The following PCNX2 variants were observed in gnomAD, a reference collection of about 807,000 sequenced individuals.
The protein encoded by PCNX2 is pecanex 2.
Under a neutral mutation model 223.8 loss-of-function variants are expected in PCNX2, and 168 were observed. That is an observed-to-expected ratio of 0.75 (90% CI 0.66 to 0.85). The LOEUF (loss-of-function observed/expected upper bound fraction) is 0.85. PCNX2 is among the 40% of genes least tolerant of loss of function. The probability of loss-of-function intolerance (pLI) is 0.00; values close to 1 mark genes in which losing one functional copy is unlikely to be tolerated. For missense variants in PCNX2, 2,507 were observed against 2,675.5 expected (o/e 0.94, Z 1.39); for synonymous variants, 1,006 against 1,052.6 (o/e 0.96, Z 0.86).
chr1:233,313,711 G>C, the PCNX2 span, among the ~76,000 whole-genome samples: 2 of 152,248 alleles, frequency 1.3e-5, no homozygotes, highest in Non-Finnish European at 2.9e-5. Flanking sequence ...CTAAACATCA[G>C]TAAGAAAAGA....
At chr1:233,226,071 C>T (rs1176781902) in intron 10 of PCNX2, among the ~76,000 whole-genome samples, 2 of 152,326 alleles carry the variant, frequency 1.3e-5, no homozygotes, top group East Asian at 3.9e-4. Flanking sequence ...CCACTGCCCC[C>T]AAGAGCTGGC....
intron 9 of PCNX2, among the ~76,000 whole-genome samples, chr1:233,235,120 G>T (rs975670984): frequency 6.6e-6 from 1 of 152,078 alleles, no homozygotes; most frequent in African/African-American, 2.4e-5. Context: ...CACAGGTTTA[G>T]GAATCCTATC....
At chr1:233,103,194 T>C (rs2102962479) in intron 21 of PCNX2, among the ~76,000 whole-genome samples, 1 of 152,274 alleles carries the variant, frequency 6.6e-6, no homozygotes, top group South Asian at 2.1e-4. Context: ...ATGAGATATT[T>C]TGGTATAGGC....
chr1:233,238,215 C>T (rs1279408635), intron 8 of PCNX2, among the ~76,000 whole-genome samples: 4 of 152,212 alleles, frequency 2.6e-5, no homozygotes, highest in Non-Finnish European at 5.9e-5. Context: ...GCCCAAATCA[C>T]ACTGTCTAAC....
chr1:233,088,114 T>C (rs1184450335), intron 23 of PCNX2, among the ~76,000 whole-genome samples: 2 of 152,180 alleles, frequency 1.3e-5, no homozygotes, highest in Non-Finnish European at 2.9e-5. Context: ...GTGAGGAGAC[T>C]AAATAACAAA....
At chr1:233,012,722 A>C (rs369678643) in intron 28 of PCNX2, among the ~76,000 whole-genome samples, 264 of 152,366 alleles carry the variant, frequency 1.7e-3, no homozygotes, top group African/African-American at 6.2e-3. Flanking sequence ...AAACGCCTGG[A>C]TCAGGAATAT....
intron 23 of PCNX2, chr1:233,058,395 A>C (rs535753321): frequency 6.6e-6 from 1 of 152,194 alleles, no homozygotes; most frequent in Non-Finnish European, 1.5e-5. Context: ...ATTTCCAACA[A>C]TGAGTGGCGG....
rs73109301 is a variant in PCNX2 at position 233,239,295 on chromosome 1, C to T, written c.2223-2315G>A. Among the ~76,000 whole-genome samples, 1,469 of 152,284 alleles carry T rather than the reference C, an allele frequency of 9.6e-3. 23 individuals carry two copies. The highest frequency in any genetic ancestry group is 0.033 in the African/African-American group (1,369 of 41,552). On this transcript the variant is annotated intron_variant, in intron 8 of 33. Coordinates refer to ENST00000258229, the MANE Select transcript of PCNX2 (RefSeq NM_014801.4). ...GAATTGACTACGACATAATGTGTAA[C>T]GAATGGCTGTTTTAGAGCAGTCTTC...
intron 23 of PCNX2, chr1:233,058,083 AG>A: frequency 1.0e-6 from 1 of 981,614 alleles, no homozygotes; most frequent in Non-Finnish European, 1.2e-6. Context: ...CATGGTAACA[AG>A]TGGCCACTAG....
chr1:233,156,839 A>G (rs1384245998), intron 19 of PCNX2, among the ~76,000 whole-genome samples: 2 of 152,068 alleles, frequency 1.3e-5, no homozygotes, highest in Non-Finnish European at 2.9e-5. Flanking sequence ...AATCACTTGA[A>G]CCCAGGAGGC....
At chr1:233,264,678 A>G (rs1033322) in intron 1 of PCNX2, among the ~76,000 whole-genome samples, 59,517 of 152,030 alleles carry the variant, frequency 0.39, 12,540 homozygotes, top group African/African-American at 0.56. Context: ...AAGATGATAC[A>G]AGCTAGATAA....
At chr1:233,138,433 G>A (rs1433057706) in intron 20 of PCNX2, among the ~76,000 whole-genome samples, 1 of 152,164 alleles carries the variant, frequency 6.6e-6, no homozygotes, top group African/African-American at 2.4e-5. Flanking sequence ...CAATTTCCCA[G>A]AGTGGCACTG....
At chr1:233,020,248 G>A (rs1343319103) in intron 26 of PCNX2, among the ~76,000 whole-genome samples, 2 of 152,170 alleles carry the variant, frequency 1.3e-5, no homozygotes, top group African/African-American at 2.4e-5. Flanking sequence ...TCACAGCACC[G>A]ACACTTCTCA....
At chr1:233,002,024 T>C (rs1217962040) in intron 28 of PCNX2, among the ~76,000 whole-genome samples, 1 of 152,150 alleles carries the variant, frequency 6.6e-6, no homozygotes, top group African/African-American at 2.4e-5. Flanking sequence ...TCTACCCCAA[T>C]GAAACCCCAG....
intron 1 of PCNX2, among the ~76,000 whole-genome samples, chr1:233,274,855 A>G (rs1280249711): frequency 6.6e-6 from 1 of 152,216 alleles, no homozygotes; most frequent in Non-Finnish European, 1.5e-5. Flanking sequence ...TTCATGATGA[A>G]GAGCACAGAA....
chr1:233,281,449 G>GT (rs571552045), intron 1 of PCNX2, among the ~76,000 whole-genome samples: 178 of 152,242 alleles, frequency 1.2e-3, no homozygotes, highest in Non-Finnish European at 1.9e-3. Flanking sequence ...TAAGAAATGC[G>GT]TAAGGTCCTT....
chr1:233,024,329 G>A (rs367905982), intron 26 of PCNX2, among the ~76,000 whole-genome samples: 10 of 152,296 alleles, frequency 6.6e-5, no homozygotes, highest in Admixed American at 2.6e-4. Context: ...TCGGCACGCT[G>A]GCAGAGGGCC....
At chr1:233,086,153 T>C (rs756431276) in intron 23 of PCNX2, among the ~76,000 whole-genome samples, 1 of 151,610 alleles carries the variant, frequency 6.6e-6, no homozygotes, top group Admixed American at 6.6e-5. Context: ...AATGAAGAGG[T>C]TGAGGGAGGG....
At chr1:233,072,006 T>C (rs1572069856) in intron 23 of PCNX2, among the ~76,000 whole-genome samples, 2 of 152,378 alleles carry the variant, frequency 1.3e-5, no homozygotes, top group East Asian at 3.9e-4. Context: ...TTTTCTCTTG[T>C]AAATTTGTTT....
Sources: gnomAD v4.1 joint callset for allele counts (sites outside exome capture counted in the v4.1 genomes callset) on GRCh38, gnomAD v4.1.1 for gene constraint, MANE v1.5 for transcripts, NCBI Gene and HGNC (gene_info 2026-07-23, HGNC 2026-07-21) for gene names.